The following KCND2 variants were observed in gnomAD, a reference collection of about 807,000 sequenced individuals.
The protein encoded by KCND2 is A-type voltage-gated potassium channel KCND2.
KCND2 carries 16 observed loss-of-function variants against 54.4 expected under a neutral mutation model. The ratio of observed to expected loss-of-function variants is 0.29; its 90% CI spans 0.20 to 0.45. The LOEUF (loss-of-function observed/expected upper bound fraction) is 0.45, where lower values mean the gene tolerates loss of function less well. KCND2 is among the 20% of genes least tolerant of loss of function. The pLI, the probability that KCND2 is intolerant of heterozygous loss-of-function variation, is 1.00. For missense variants in KCND2, 486 were observed against 824.2 expected, an observed-to-expected ratio of 0.59 and a Z score of 5.02; for synonymous variants, 317 against 310.7, an observed-to-expected ratio of 1.02 and a Z score of -0.21.
At chr7:120,559,329 C>T (rs890980826) in intron 1 of KCND2, among the ~76,000 whole-genome samples, 3 of 152,174 alleles carry the variant, frequency 2.0e-5, no homozygotes, top group Non-Finnish European at 2.9e-5. Flanking sequence ...AGGCATTGTG[C>T]ACACACAATC....
intron 1 of KCND2, among the ~76,000 whole-genome samples, chr7:120,457,035 C>A (rs951608923): frequency 1.3e-5 from 2 of 152,234 alleles, no homozygotes; most frequent in Non-Finnish European, 2.9e-5. Flanking sequence ...TTGGGGCTTG[C>A]ACCCTCTGGA....
chr7:120,668,159 G>T (rs376753650), intron 1 of KCND2, among the ~76,000 whole-genome samples: 9 of 152,010 alleles, frequency 5.9e-5, no homozygotes, highest in African/African-American at 1.7e-4. Context: ...CATTTCACCA[G>T]TGTGCTTATA....
intron 1 of KCND2, among the ~76,000 whole-genome samples, chr7:120,461,420 T>C (rs1802282089): frequency 1.3e-5 from 2 of 152,174 alleles, no homozygotes; most frequent in Admixed American, 6.6e-5. Flanking sequence ...AAACAAATGG[T>C]ATTTCAGATA....
At chr7:120,444,756 A>G (rs149988249) in intron 1 of KCND2, among the ~76,000 whole-genome samples, 25 of 152,270 alleles carry the variant, frequency 1.6e-4, no homozygotes, top group Admixed American at 5.9e-4. Flanking sequence ...TAATAATGCT[A>G]TACACTAAAA....
chr7:120,662,090 A>C (rs1791872459), intron 1 of KCND2, among the ~76,000 whole-genome samples: 3 of 152,166 alleles, frequency 2.0e-5, no homozygotes, highest in Admixed American at 1.3e-4. Context: ...ATGTCAGGCA[A>C]AACTTATATT....
intron 1 of KCND2, among the ~76,000 whole-genome samples, chr7:120,473,225 A>G (rs762796653): frequency 3.9e-5 from 6 of 152,330 alleles, no homozygotes; most frequent in African/African-American, 7.2e-5. Flanking sequence ...TATAACTTTC[A>G]TGGATAAAAA....
chr7:120,581,000 A>G (rs1344996752), intron 1 of KCND2, among the ~76,000 whole-genome samples: 3 of 152,306 alleles, frequency 2.0e-5, no homozygotes, highest in African/African-American at 7.2e-5. Context: ...TAAGCCACCT[A>G]TTTTCAAAAT....
At position 120,512,507 on chromosome 7, in the gene KCND2, A is replaced by G. The variant is rs936434445; in HGVS notation, c.1116-220396A>G. On this transcript the variant is annotated intron_variant, in intron 1 of 5. Transcript: ENST00000331113. ...CAGGAGTTAGGAAAAGGTAGCAATTATAGTCTTAACAATTCACTTTAGAAT... is the reference window on the plus strand; with the variant it reads ...CAGGAGTTAGGAAAAGGTAGCAATTGTAGTCTTAACAATTCACTTTAGAAT... 5.9e-5 allele frequency among the ~76,000 whole-genome samples: 9 copies of G among 151,972 alleles called. 1 individual carries two copies. The highest frequency in any genetic ancestry group is 2.9e-5 in the Non-Finnish European group (2 of 67,972).
intron 1 of KCND2, among the ~76,000 whole-genome samples, chr7:120,338,787 T>C (rs1800190093): frequency 6.6e-6 from 1 of 152,164 alleles, no homozygotes; most frequent in Non-Finnish European, 1.5e-5. Context: ...CAAACATATA[T>C]TTATATGCAC....
intron 1 of KCND2, among the ~76,000 whole-genome samples, chr7:120,300,801 T>G (rs1178462139): frequency 6.6e-6 from 1 of 152,120 alleles, no homozygotes; most frequent in Admixed American, 6.5e-5. Flanking sequence ...CTAGGCACAG[T>G]GTCTGTGGCC....
chr7:120,369,691 T>C (rs1445653654), intron 1 of KCND2, among the ~76,000 whole-genome samples: 1 of 152,070 alleles, frequency 6.6e-6, no homozygotes, highest in Non-Finnish European at 1.5e-5. Context: ...TAACTTTCCA[T>C]AATGGCATTG....
rs547507636 is a variant in KCND2, at chr7:120,294,798, A to G, written c.1115+19051A>G. Reference sequence around the variant, plus strand: ...TACCTTGTTTATGTTTCATCTATCTATATAAAGATATGTACATACACACAT... The same window carrying G: ...TACCTTGTTTATGTTTCATCTATCTGTATAAAGATATGTACATACACACAT... On this transcript the variant is annotated intron_variant, in intron 1 of 5. Transcript: ENST00000331113. Among the ~76,000 whole-genome samples the G allele has an allele frequency of 3.5e-4, 53 of 152,056 alleles. No individual in the cohort carries two copies. In the East Asian group the frequency reaches 9.5e-3, roughly 27 times the overall value.
At chr7:120,283,548 AATAC>A (rs1799296938) in intron 1 of KCND2, among the ~76,000 whole-genome samples, 1 of 152,320 alleles carries the variant, frequency 6.6e-6, no homozygotes, top group Middle Eastern at 3.4e-3. Context: ...AGTATTTTCT[AATAC>A]ATAAGTAAAT....
chr7:120,502,398 T>C (rs556061713), intron 1 of KCND2, among the ~76,000 whole-genome samples: 21 of 152,022 alleles, frequency 1.4e-4, no homozygotes, highest in Admixed American at 5.3e-4. Context: ...GTAGGACAGT[T>C]TTTACTAGAC....
chr7:120,443,008 G>T lies in KCND2; in HGVS notation c.1115+167261G>T, dbSNP rs1801964483. On this transcript the variant is annotated intron_variant, in intron 1 of 5. Coordinates refer to ENST00000331113, the MANE Select transcript of KCND2 (RefSeq NM_012281.3). Reference sequence around the variant, plus strand: ...TGCAGGTATGTGCTTGAATTTGTCTGTGTATGTTTGTCTTACTCATTCCAT... The same window carrying T: ...TGCAGGTATGTGCTTGAATTTGTCTTTGTATGTTTGTCTTACTCATTCCAT... Among the ~76,000 whole-genome samples, 3 of 152,226 alleles carry T rather than the reference G, an allele frequency of 2.0e-5. No homozygotes were observed. In the South Asian group the frequency reaches 6.2e-4, roughly 32 times the overall value.
In KCND2 at chr7:120,430,888, G is replaced by A. The variant is rs73433873; in HGVS notation, c.1115+155141G>A. Reference sequence around the variant, plus strand: ...AGTATTATTTATCAAAAAGTGTTACGTTTATTTTAATTGGTAAAGGAATTT... The same window carrying A: ...AGTATTATTTATCAAAAAGTGTTACATTTATTTTAATTGGTAAAGGAATTT... On this transcript the variant is annotated intron_variant, in intron 1 of 5. Transcript: ENST00000331113. 4.5e-4 allele frequency among the ~76,000 whole-genome samples: 68 copies of A among 152,156 alleles called. 1 individual carries two copies. The highest frequency in any genetic ancestry group is 2.1e-3 in the South Asian group (10 of 4,820).
Position 120,389,206 on chromosome 7 carries a change from A to T in KCND2, c.1115+113459A>T, listed in dbSNP as rs535238852. ...GCTTACTGAAGCCAAAAGGTCCATA[A>T]TTTAGCAATTATTTACATTTCAAGT... On this transcript the variant is annotated intron_variant, in intron 1 of 5. Transcript: ENST00000331113. 2.0e-5 allele frequency among the ~76,000 whole-genome samples: 3 copies of T among 152,038 alleles called. No individual in the cohort carries two copies. In the South Asian group the frequency reaches 6.2e-4, roughly 32 times the overall value.
chr7:120,540,088 G>T (rs1410864628), intron 1 of KCND2, among the ~76,000 whole-genome samples: 1 of 151,986 alleles, frequency 6.6e-6, no homozygotes, highest in Non-Finnish European at 1.5e-5. Flanking sequence ...GTGGTGACGG[G>T]GTCTTAACAT....
chr7:120,663,769 A>C (rs1791893750), intron 1 of KCND2, among the ~76,000 whole-genome samples: 1 of 152,232 alleles, frequency 6.6e-6, no homozygotes, highest in African/African-American at 2.4e-5. Flanking sequence ...ATGTCTCTAC[A>C]GGAGAGATTG....
Sources: allele counts gnomAD v4.1 joint callset (sites outside exome capture counted in the v4.1 genomes callset), GRCh38; gene constraint gnomAD v4.1.1; transcripts MANE v1.5; gene names NCBI Gene and HGNC (gene_info 2026-07-23, HGNC 2026-07-21).